Variants in WRN observed in about 807,000 individuals in gnomAD.
WRN encodes the protein bifunctional 3'-5' exonuclease/ATP-dependent helicase WRN.
WRN carries 149 observed loss-of-function variants against 180.7 expected under a neutral mutation model. That is an observed-to-expected ratio of 0.82 (90% CI 0.72 to 0.94). The LOEUF (loss-of-function observed/expected upper bound fraction) is 0.94. WRN is among the 40% of genes least tolerant of loss of function. WRN has a pLI of 0.00. For synonymous variants in WRN, 548 were observed against 568.9 expected (o/e 0.96, Z 0.52); for missense variants, 1,661 against 1,700.1 (o/e 0.98, Z 0.40).
At chr8:31,053,053 C>G (rs1812136534) in intron 1 of WRN, among the ~76,000 whole-genome samples, 1 of 152,108 alleles carries the variant, frequency 6.6e-6, no homozygotes, top group Non-Finnish European at 1.5e-5. Flanking sequence ...ATTATTTAAT[C>G]AAAAAGGCAT....
intron 33 of WRN, among the ~76,000 whole-genome samples, chr8:31,166,196 A>T (rs1803852056): frequency 6.6e-6 from 1 of 152,166 alleles, no homozygotes; most frequent in Non-Finnish European, 1.5e-5. Context: ...TTGATTTCTG[A>T]TCACTGATTT....
chr8:31,166,873 G>T (rs530904979), intron 33 of WRN, 149 bp from the exon 34 acceptor site: 2 of 722,972 alleles, frequency 2.8e-6, no homozygotes, highest in Non-Finnish European at 4.4e-6. Flanking sequence ...TTTCCATTCC[G>T]TAAGGCTATA....
rs746445847 is a variant in WRN at position 31,080,947 on chromosome 8, CTG to C, written c.921_922del (p.Glu308ThrfsTer6). 5.0e-6 allele frequency: 8 copies of C among 1,613,726 alleles called. No homozygotes were observed. The highest frequency in any genetic ancestry group is 6.8e-6 in the Non-Finnish European group (8 of 1,179,842). On this transcript the variant is annotated frameshift_variant, in exon 9 of 35. Coordinates refer to ENST00000298139, the MANE Select transcript of WRN (RefSeq NM_000553.6). LOFTEE classifies it high-confidence loss of function. ...ATAATTGGGTCTACTAACATTGAGA[CTG>C]AACTGAGGCCCAGCAATAATTTAAA...
intron 7 of WRN, among the ~76,000 whole-genome samples, chr8:31,069,945 A>G (rs1812844264): frequency 6.6e-6 from 1 of 152,070 alleles, no homozygotes. Flanking sequence ...AATGTTTATG[A>G]TATTTTTCAC....
intron 31 of WRN, among the ~76,000 whole-genome samples, chr8:31,151,899 TTA>T (rs1185976487): frequency 7.2e-6 from 1 of 138,624 alleles, no homozygotes; most frequent in African/African-American, 2.5e-5. Context: ...CATTAGCCTT[TTA>T]TTTTTTTTTT....
At chr8:31,073,525 A>T (rs1028663517) in intron 7 of WRN, among the ~76,000 whole-genome samples, 1 of 129,786 alleles carries the variant, frequency 7.7e-6, no homozygotes, top group Non-Finnish European at 1.7e-5. Context: ...TATCCAAGAG[A>T]TATCAATATT....
intron 9 of WRN, among the ~76,000 whole-genome samples, chr8:31,083,157 C>G (rs1813387362): frequency 6.6e-6 from 1 of 152,178 alleles, no homozygotes; most frequent in Non-Finnish European, 1.5e-5. Flanking sequence ...AAAGTTTCCT[C>G]ATACCCAAAC....
intron 5 of WRN, among the ~76,000 whole-genome samples, chr8:31,066,222 G>T (rs1335772909): frequency 2.6e-5 from 4 of 151,514 alleles, no homozygotes; most frequent in African/African-American, 9.7e-5. Context: ...GTCTTGCTCT[G>T]TCGCCCAGGC....
intron 16 of WRN, 109 bp from the exon 17 acceptor site, chr8:31,096,659 G>A: frequency 3.5e-6 from 3 of 853,604 alleles, no homozygotes; most frequent in South Asian, 1.6e-5. Context: ...CTTTCATAAG[G>A]TATCTTGATT....
At chr8:31,124,653 A>T (rs777604709) in intron 22 of WRN, 30 bp downstream of exon 22, 1 of 1,529,142 alleles carries the variant, frequency 6.5e-7, no homozygotes, top group South Asian at 1.1e-5. Context: ...TGCCAATAGT[A>T]TGGATTTATG....
chr8:31,053,980 G>A (rs1250347290), intron 1 of WRN, among the ~76,000 whole-genome samples: 9 of 152,206 alleles, frequency 5.9e-5, no homozygotes, highest in Admixed American at 5.2e-4. Context: ...AAAAATTTTT[G>A]CACCCTTGAA....
intron 18 of WRN, among the ~76,000 whole-genome samples, chr8:31,103,795 C>T (rs112517398): frequency 0.024 from 3,670 of 152,088 alleles, 136 homozygotes; most frequent in African/African-American, 0.085. Context: ...AATGCAGTGG[C>T]GCGATCTCGG....
rs576667009 is a variant in WRN at position 31,123,924 on chromosome 8, A to G, written c.2631-598A>G. On this transcript the variant is annotated intron_variant, in intron 21 of 34. Coordinates refer to ENST00000298139, the MANE Select transcript of WRN (RefSeq NM_000553.6). ...TATTTAACAATTTTGAATAAATTTGATATGGCAAACAAATCAGTTATAATC... is the reference window on the plus strand; with the variant it reads ...TATTTAACAATTTTGAATAAATTTGGTATGGCAAACAAATCAGTTATAATC... Among the ~76,000 whole-genome samples the G allele has an allele frequency of 8.5e-5, 13 of 152,262 alleles. No individual in the cohort carries two copies. The East Asian group carries it at 2.3e-3, about 27-fold the overall frequency.
chr8:31,057,277 A>G (rs911454785), intron 1 of WRN, among the ~76,000 whole-genome samples: 3 of 152,018 alleles, frequency 2.0e-5, no homozygotes, highest in African/African-American at 7.3e-5. Context: ...AAAAACTGCT[A>G]CCTCCTGGGC....
At position 31,143,579 on chromosome 8, in the gene WRN, A is replaced by T. The variant is rs1802745176; in HGVS notation, c.3339A>T (p.Lys1113Asn). The T allele has an allele frequency of 1.3e-6, 2 of 1,592,512 alleles. No homozygotes were observed. Among genetic ancestry groups the T allele is most frequent in the South Asian group, 2.2e-5 (2 of 90,238 alleles). Residue 1113 changes from lysine to asparagine, a missense_variant, in exon 28 of 35, where the codon AAA (lysine) becomes AAT (asparagine). By Grantham distance (94) the Lys-to-Asn change is moderately conservative. Transcript: ENST00000298139. Reference protein sequence around the residue: ...KSNLEKLYSYKPCDKISSGSN... With the variant: ...KSNLEKLYSYNPCDKISSGSN... ...ACTTGGAGAAGTTATATTCTTATAA[A>T]CCATGTGATAAGATTTCTTCTGGGA...
At chr8:31,062,887 G>A (rs1001585612) in intron 3 of WRN, among the ~76,000 whole-genome samples, 4 of 151,880 alleles carry the variant, frequency 2.6e-5, no homozygotes, top group Non-Finnish European at 5.9e-5. Flanking sequence ...GCTGGAGTGC[G>A]GTGGCGAGAT....
rs1013108543 is a variant in WRN at position 31,154,543 on chromosome 8, C to T, written c.3688-81C>T. On this transcript the variant is annotated intron_variant, in intron 31 of 34. Transcript: ENST00000298139. ...TGGGTTTAACTTGTGTTATTTTTTT[C>T]TTAATGGCTAATTATCATACATATA... is the stretch of plus-strand genomic sequence containing the variant. 9.5e-6 allele frequency: 14 copies of T among 1,467,750 alleles called. No homozygotes were observed. In the Admixed American group the frequency reaches 2.2e-4, roughly 23 times the overall value. The allele number at this position is 1,467,750 out of a possible 1,614,324, so 90.9% of individuals were successfully genotyped here.
chr8:31,043,837 T>C (rs1811746187), intron 1 of WRN, among the ~76,000 whole-genome samples: 1 of 152,182 alleles, frequency 6.6e-6, no homozygotes, highest in African/African-American at 2.4e-5. Flanking sequence ...TATTAATTGG[T>C]ACCTCACCAG....
rs531524877 is a variant in WRN, at chr8:31,109,277, G to A, written c.2089-2338G>A. ...TGAAAACGAAGTACTAGCTTGTTTA[G>A]TAGTAACGAAGTACTATTAATTTTT... On this transcript the variant is annotated intron_variant, in intron 18 of 34. Coordinates refer to ENST00000298139, the MANE Select transcript of WRN (RefSeq NM_000553.6). Among the ~76,000 whole-genome samples, 198 of 152,322 alleles carry A rather than the reference G, an allele frequency of 1.3e-3. 2 individuals are homozygous for A. Among genetic ancestry groups the A allele is most frequent in the African/African-American group, 4.5e-3 (188 of 41,574 alleles).
Sources: allele counts gnomAD v4.1 joint callset (sites outside exome capture counted in the v4.1 genomes callset), GRCh38; gene constraint gnomAD v4.1.1; transcripts MANE v1.5; gene names NCBI Gene and HGNC (gene_info 2026-07-23, HGNC 2026-07-21).